WDR36: variants seen among roughly 807,000 people sequenced by gnomAD.
WDR36 encodes the protein WD repeat domain 36.
In WDR36, 63 loss-of-function variants were observed where a neutral mutation model predicts 112.7. The observed-to-expected ratio is 0.56, with a 90% CI of 0.46 to 0.69. The LOEUF is 0.69. Ranked by LOEUF, WDR36 falls within the 30% of genes least tolerant of loss-of-function variation. The pLI, the probability that WDR36 is intolerant of heterozygous loss-of-function variation, is 0.00. For synonymous variants in WDR36, 410 were observed against 362.2 expected (o/e 1.13, Z -1.50); for missense variants, 1,226 against 1,070.3 (o/e 1.15, Z -2.03).
At chr5:111,093,765 G>T (rs1323465428) in intron 1 of WDR36, among the ~76,000 whole-genome samples, 2 of 152,206 alleles carry the variant, frequency 1.3e-5, no homozygotes, top group Admixed American at 1.3e-4. Flanking sequence ...AGACACAGGT[G>T]TTTTTCCCTA....
At chr5:111,094,808 T>A (rs1339433866) in intron 1 of WDR36, 112 bp from the exon 2 acceptor site, 3 of 854,528 alleles carry the variant, frequency 3.5e-6, no homozygotes, top group Non-Finnish European at 5.5e-6. Flanking sequence ...GTCTTTCTTA[T>A]GAAGGACAGC....
intron 16 of WDR36, among the ~76,000 whole-genome samples, chr5:111,114,430 T>C (rs578120050): frequency 6.6e-6 from 1 of 152,286 alleles, no homozygotes; most frequent in Admixed American, 6.5e-5. Flanking sequence ...GTTTGACCTT[T>C]AGGAAGGAAA....
chr5:111,121,000 A>G lies in WDR36; in HGVS notation c.2007A>G (p.Val669=), dbSNP rs747179028. Residue 669 remains valine, a synonymous_variant, in exon 19 of 23, where the codon GTA becomes GTG. Transcript: ENST00000513710. ...TACCTGAAAAATTTTTTTAAGATGT[A>G]GAAGTATCAGAAGAAACAGTAGAAC... is the stretch of plus-strand genomic sequence containing the variant. ...MLPGTCQTQD[V]EVSEETVEPS... 7.4e-6 allele frequency: 12 copies of G among 1,612,706 alleles called. No individual in the cohort carries two copies. Among genetic ancestry groups the G allele is most frequent in the South Asian group, 5.5e-5 (5 of 90,892 alleles).
In WDR36 at chr5:111,121,019, G is replaced by T; in HGVS notation, c.2026G>T (p.Val676Leu). The change falls in exon 19 of 23, where the codon GTA becomes TTA. Residue 676 changes from valine to leucine, a missense_variant. Physicochemically the swap from Val to Leu is conservative, Grantham distance 32 (BLOSUM62 1). Transcript: ENST00000513710. Reference protein sequence around the residue: ...TQDVEVSEETVEPSDELIEYD... With the variant: ...TQDVEVSEETLEPSDELIEYD... ...AGATGTAGAAGTATCAGAAGAAACA[G>T]TAGAACCAAGTGATGAATTGATAGA... 6.2e-7 allele frequency: 1 copy of T among 1,613,370 alleles called. No individual in the cohort carries two copies. Among genetic ancestry groups the T allele is most frequent in the African/African-American group, 1.3e-5 (1 of 75,026 alleles).
Position 111,128,915 on chromosome 5 carries a change from A to G in WDR36, c.*2032A>G, listed in dbSNP as rs1753730827. 1 of 192,654 alleles carries G rather than the reference A, an allele frequency of 5.2e-6. No homozygotes were observed. The highest frequency in any genetic ancestry group is 2.3e-5 in the African/African-American group (1 of 43,094). The allele number at this position is 192,654 out of a possible 1,614,324, so 11.9% of individuals were successfully genotyped here. A position where few individuals can be genotyped will look rare whatever the true frequency, so the allele number is the denominator to read the frequency against. On this transcript the variant is annotated 3_prime_UTR_variant, in exon 23 of 23. Transcript: ENST00000513710. ...CAGTCCCAATATCCTCTGTAGAAGT[A>G]ATAGTTTTAACTCTCCTAGATCTTC... is the stretch of plus-strand genomic sequence containing the variant.
rs772440254 is a variant in WDR36, at chr5:111,126,790, G to A, written c.2595G>A (p.Leu865=). 49 of 1,613,676 alleles carry A rather than the reference G, an allele frequency of 3.0e-5. No individual in the cohort carries two copies. The Middle Eastern group carries it at 9.9e-4, about 33-fold the overall frequency. Residue 865 remains leucine (L), a synonymous_variant, in exon 23 of 23, where the codon TTG becomes TTA. Transcript: ENST00000513710. ...EPVLLEEITN[L]SSQVEENWTH... is the part of the protein sequence containing the mutation. ...TACTCCTAGAAGAAATAACAAATTT[G>A]TCATCCCAGGTGGAAGAAAACTGGA... is the stretch of plus-strand genomic sequence containing the variant.
intron 8 of WDR36, 43 bp from the exon 9 acceptor site, chr5:111,104,654 G>C (rs1162197197): frequency 6.2e-7 from 1 of 1,610,172 alleles, no homozygotes; most frequent in East Asian, 2.2e-5. Flanking sequence ...TTGCAGATCA[G>C]ATGGAACATT....
intron 15 of WDR36, chr5:111,111,616 A>G (rs1352496264): frequency 1.6e-5 from 4 of 250,222 alleles, no homozygotes; most frequent in Admixed American, 1.0e-4. Context: ...CTGATTTACT[A>G]TGTATGGAAT....
intron 12 of WDR36, among the ~76,000 whole-genome samples, chr5:111,107,742 A>G (rs1414623879): frequency 2.7e-5 from 4 of 150,464 alleles, no homozygotes; most frequent in African/African-American, 4.9e-5. Context: ...TCAAAAGACT[A>G]TTCTTTCTCC....
At chr5:111,124,260 G>A in intron 21 of WDR36, 71 bp downstream of exon 21, 16 of 1,257,836 alleles carry the variant, frequency 1.3e-5, no homozygotes, top group South Asian at 4.1e-5. Flanking sequence ...AGAAATTGAA[G>A]GAAATATCAG....
At chr5:111,114,932 A>T (rs184548340) in intron 16 of WDR36, among the ~76,000 whole-genome samples, 137 of 152,280 alleles carry the variant, frequency 9.0e-4, no homozygotes, top group African/African-American at 3.2e-3. Context: ...TAAGTGGTAA[A>T]TTCGTCTTTG....
intron 15 of WDR36, among the ~76,000 whole-genome samples, chr5:111,112,761 A>T (rs995569936): frequency 6.6e-6 from 1 of 151,850 alleles, no homozygotes; most frequent in Non-Finnish European, 1.5e-5. Flanking sequence ...TTGTCTATAA[A>T]TAAATAGAAG....
At chr5:111,120,403 A>G in intron 17 of WDR36, 93 bp from the exon 18 acceptor site, 1 of 1,018,956 alleles carries the variant, frequency 9.8e-7, no homozygotes, top group Non-Finnish European at 1.5e-6. Flanking sequence ...TTTAACTAAT[A>G]AAAGTCTGTA....
At chr5:111,095,117 A>T in intron 2 of WDR36, 170 bp downstream of exon 2, 2 of 632,906 alleles carry the variant, frequency 3.2e-6, no homozygotes, top group South Asian at 3.8e-5. Flanking sequence ...TTTTGCTTTT[A>T]GTTGTTATGT....
Position 111,129,975 on chromosome 5 carries a change from G to T in WDR36, c.*3092G>T, listed in dbSNP as rs576615598. On this transcript the variant is annotated 3_prime_UTR_variant, in exon 23 of 23. Transcript: ENST00000513710. The stretch of plus-strand genomic sequence containing the variant: ...CTGATTTGAAATGCTGTTTCATTAT[G>T]TGTTAAATTCTTTCACTGAGCTCTT... The T allele has an allele frequency of 3.3e-5, 7 of 211,082 alleles. No homozygotes were observed. The highest frequency in any genetic ancestry group is 1.6e-4 in the African/African-American group (7 of 44,238). The allele number at this position is 211,082 out of a possible 1,614,324, so 13.1% of individuals were successfully genotyped here.
chr5:111,110,173 G>A lies in WDR36; in HGVS notation c.1327-16G>A. Reference sequence around the variant, plus strand: ...ATGTTAGTTATTTTGTCATTTGTGGGTTTTTTTTCTTAAAGGCAGTGGATA... The same window carrying A: ...ATGTTAGTTATTTTGTCATTTGTGGATTTTTTTTCTTAAAGGCAGTGGATA... On this transcript the variant is annotated splice_polypyrimidine_tract_variant and intron_variant, in intron 12 of 22. Coordinates refer to ENST00000513710, the MANE Select transcript of WDR36 (RefSeq NM_139281.3). 6.4e-7 allele frequency: 1 copy of A among 1,573,946 alleles called. No individual in the cohort carries two copies. Among genetic ancestry groups the A allele is most frequent in the Non-Finnish European group, 8.7e-7 (1 of 1,144,690 alleles).
chr5:111,113,114 T>C lies in WDR36; in HGVS notation c.1757T>C (p.Met586Thr). Residue 586 changes from methionine to threonine, a missense_variant, in exon 16 of 23, where the codon ATG (methionine) becomes ACG (threonine). Met to Thr is a moderately conservative substitution (Grantham distance 81). Transcript: ENST00000513710. ...PDGRWLISAA[M>T]DCSIRTWDLP... is the part of the protein sequence containing the mutation. ...GGTCGTTGGTTAATAAGTGCTGCGATGGATTGCTCTATTAGGACTTGGGAC... is the reference window on the plus strand; with the variant it reads ...GGTCGTTGGTTAATAAGTGCTGCGACGGATTGCTCTATTAGGACTTGGGAC... 6.3e-7 allele frequency: 1 copy of C among 1,583,754 alleles called. No individual in the cohort carries two copies. The highest frequency in any genetic ancestry group is 8.6e-7 in the Non-Finnish European group (1 of 1,162,202).
chr5:111,108,247 G>C (rs1753258191), intron 12 of WDR36, among the ~76,000 whole-genome samples: 1 of 150,230 alleles, frequency 6.7e-6, no homozygotes, highest in African/African-American at 2.4e-5. Flanking sequence ...GTTTTGTTTT[G>C]TTTTTGTTTT....
At chr5:111,098,668 A>T (rs972937412) in intron 3 of WDR36, 54 bp from the exon 4 acceptor site, 1 of 1,137,580 alleles carries the variant, frequency 8.8e-7, no homozygotes, top group African/African-American at 1.5e-5. Flanking sequence ...TATGAATAAT[A>T]TGACATGATG....
Sources: allele counts gnomAD v4.1 joint callset (sites outside exome capture counted in the v4.1 genomes callset), GRCh38; gene constraint gnomAD v4.1.1; transcripts MANE v1.5; gene names NCBI Gene and HGNC (gene_info 2026-07-23, HGNC 2026-07-21).